The following TXNRD3 variants were observed in gnomAD, a reference collection of about 807,000 sequenced individuals.
TXNRD3 encodes TXNRD3 neighbor gene protein.
A neutral mutation model predicts 78.2 loss-of-function variants in TXNRD3; 68 were observed. The ratio of observed to expected loss-of-function variants is 0.87; its 90% CI spans 0.72 to 1.06. TXNRD3 has a LOEUF of 1.06. Ranked by LOEUF, TXNRD3 falls within the 50% of genes least tolerant of loss-of-function variation. The probability of loss-of-function intolerance (pLI) is 0.00; values close to 1 mark genes in which losing one functional copy is unlikely to be tolerated. For missense variants in TXNRD3, 751 were observed against 809.5 expected (o/e 0.93, Z 0.88); for synonymous variants, 296 against 300.1 (o/e 0.99, Z 0.14).
intron 1 of TXNRD3, 100 bp downstream of exon 1, chr3:126,654,648 G>C: frequency 1.4e-6 from 1 of 725,964 alleles, no homozygotes; most frequent in Non-Finnish European, 1.8e-6. Context: ...GCCGCAGCCC[G>C]GGACCCGCGG....
intron 6 of TXNRD3, among the ~76,000 whole-genome samples, chr3:126,635,050 C>T (rs1938822158): frequency 6.6e-6 from 1 of 152,154 alleles, no homozygotes; most frequent in African/African-American, 2.4e-5. Context: ...TTACCTCATC[C>T]TCCCACACCC....
In TXNRD3 at chr3:126,640,103, T is replaced by C. The variant is rs1337163857; in HGVS notation, c.712+1929A>G. On this transcript the variant is annotated intron_variant, in intron 6 of 15. Coordinates refer to ENST00000524230, the MANE Select transcript of TXNRD3 (RefSeq NM_052883.3). ...AAGCTGCTTGTGTTTTCTTTTTTTTTTTTTTTTTTTTTTTTTTTTGAGACG... is the reference window on the plus strand; with the variant it reads ...AAGCTGCTTGTGTTTTCTTTTTTTTCTTTTTTTTTTTTTTTTTTTGAGACG... Among the ~76,000 whole-genome samples the C allele has an allele frequency of 2.6e-3, 46 of 17,896 alleles. 20 individuals are homozygous for C. Among genetic ancestry groups the C allele is most frequent in the Admixed American group, 1.6e-3 (2 of 1,230 alleles). The allele number at this position is 17,896 out of a possible 152,430, so 11.7% of individuals were successfully genotyped here.
chr3:126,614,852 G>GA (rs763681893), intron 13 of TXNRD3, among the ~76,000 whole-genome samples: 2 of 152,020 alleles, frequency 1.3e-5, no homozygotes, highest in Non-Finnish European at 2.9e-5. Flanking sequence ...AGAGTAGGCA[G>GA]AAAAAAGCCA....
chr3:126,635,934 C>G (rs983501986), intron 6 of TXNRD3, among the ~76,000 whole-genome samples: 1 of 151,946 alleles, frequency 6.6e-6, no homozygotes, highest in Non-Finnish European at 1.5e-5. Context: ...CAAACACACA[C>G]ACAAACATAT....
intron 9 of TXNRD3, 91 bp downstream of exon 9, chr3:126,630,621 G>T: frequency 7.7e-7 from 1 of 1,301,184 alleles, no homozygotes; most frequent in African/African-American, 1.5e-5. Context: ...AACATTATTT[G>T]AATACAGACT....
chr3:126,617,460 C>T (rs2107611923), intron 12 of TXNRD3, among the ~76,000 whole-genome samples: 1 of 152,276 alleles, frequency 6.6e-6, no homozygotes, highest in East Asian at 1.9e-4. Flanking sequence ...CCAAATACAC[C>T]CACCCACAAG....
At chr3:126,633,177 T>C (rs1938764646) in intron 7 of TXNRD3, among the ~76,000 whole-genome samples, 2 of 152,188 alleles carry the variant, frequency 1.3e-5, no homozygotes, top group South Asian at 2.1e-4. Flanking sequence ...AATTGAATAT[T>C]TGGATATTTA....
In TXNRD3 at chr3:126,622,938, T is replaced by C. The variant is rs375057181; in HGVS notation, c.1291-398A>G. On this transcript the variant is annotated intron_variant, in intron 10 of 15. Coordinates refer to ENST00000524230, the MANE Select transcript of TXNRD3 (RefSeq NM_052883.3). ...GGCAACACAGACCAAAGGATGACCA[T>C]GTGAGGACACAAGGAGAAGACAGTC... 3.9e-5 allele frequency among the ~76,000 whole-genome samples: 6 copies of C among 152,122 alleles called. No individual in the cohort carries two copies. In the East Asian group the frequency reaches 5.8e-4, roughly 15 times the overall value.
chr3:126,644,274 G>A (rs866401005), intron 4 of TXNRD3, 23 bp downstream of exon 4: 7 of 1,518,262 alleles, frequency 4.6e-6, no homozygotes, highest in African/African-American at 1.4e-5. Context: ...AATTATCTAC[G>A]AGTTTCATTT....
chr3:126,627,010 C>T (rs1311212393), intron 10 of TXNRD3, among the ~76,000 whole-genome samples: 1 of 152,068 alleles, frequency 6.6e-6, no homozygotes, highest in Non-Finnish European at 1.5e-5. Flanking sequence ...ATCATTTGAG[C>T]CAAGGAGTTG....
chr3:126,653,670 C>T (rs1397113118), intron 1 of TXNRD3, among the ~76,000 whole-genome samples: 1 of 152,220 alleles, frequency 6.6e-6, no homozygotes, highest in Non-Finnish European at 1.5e-5. Flanking sequence ...ATCATGCATC[C>T]TTTATGACCC....
chr3:126,629,499 T>C (rs772454292), intron 9 of TXNRD3, 28 bp from the exon 10 acceptor site: 2 of 1,482,318 alleles, frequency 1.3e-6, no homozygotes, highest in African/African-American at 2.8e-5. Context: ...TGTAATGATG[T>C]TATCTAAATA....
Position 126,654,816 on chromosome 3 carries a change from G to A in TXNRD3, c.175C>T (p.Leu59Phe). ...CGGCTGCGCTCGATGAGGCCCACGAGGTGGCGGCGCAGCTCCTCGCGGGCC... is the reference window on the plus strand; with the variant it reads ...CGGCTGCGCTCGATGAGGCCCACGAAGTGGCGGCGCAGCTCCTCGCGGGCC... The change falls in exon 1 of 16, where the codon CTC (leucine) becomes TTC (phenylalanine). Residue 59 changes from leucine to phenylalanine, a missense_variant. Transcript: ENST00000524230. 2.1e-6 allele frequency: 3 copies of A among 1,421,746 alleles called. No individual in the cohort carries two copies. Among genetic ancestry groups the A allele is most frequent in the African/African-American group, 1.5e-5 (1 of 67,088 alleles). 88.1% of individuals were successfully genotyped at this position (1,421,746 alleles called of 1,614,324 possible). A position where few individuals can be genotyped will look rare whatever the true frequency, so the allele number is the denominator to read the frequency against.
chr3:126,629,672 T>C (rs763090486), intron 9 of TXNRD3, among the ~76,000 whole-genome samples: 4 of 152,150 alleles, frequency 2.6e-5, no homozygotes, highest in Non-Finnish European at 5.9e-5. Flanking sequence ...AGAAATGAAT[T>C]AATGAATTAG....
intron 12 of TXNRD3, among the ~76,000 whole-genome samples, chr3:126,619,739 G>A (rs926563691): frequency 6.6e-6 from 1 of 152,146 alleles, no homozygotes; most frequent in Admixed American, 6.5e-5. Flanking sequence ...ATAAATAAAT[G>A]ACAAACGTTT....
intron 6 of TXNRD3, among the ~76,000 whole-genome samples, chr3:126,638,743 A>G (rs1932982698): frequency 6.6e-6 from 1 of 152,230 alleles, no homozygotes. Context: ...GTCTCAAAAA[A>G]AAGAAAAAAG....
intron 8 of TXNRD3, 51 bp downstream of exon 8, chr3:126,631,713 A>G: frequency 3.5e-6 from 4 of 1,155,904 alleles, no homozygotes; most frequent in Non-Finnish European, 5.0e-6. Flanking sequence ...AAACATGTCA[A>G]TATAATTCAA....
chr3:126,643,692 T>G (rs573284792), intron 5 of TXNRD3, among the ~76,000 whole-genome samples: 1 of 152,238 alleles, frequency 6.6e-6, no homozygotes, highest in Non-Finnish European at 1.5e-5. Context: ...GTTAACTATA[T>G]CCTCACTAAG....
Position 126,607,921 on chromosome 3 carries a change from T to C in TXNRD3, c.1916A>G (p.Lys639Arg). The change falls in exon 16 of 16, where the codon AAA becomes AGA. Residue 639 changes from lysine (K) to arginine (R), a missense_variant. Lys to Arg is a conservative substitution (Grantham distance 26, BLOSUM62 2). Transcript: ENST00000524230. ...GCAGCAGGCCTAGCCTCAGCAGCCT[T>C]TCTGAGTGATGTCTAGTCCTGACGA... 6.6e-7 allele frequency: 1 copy of C among 1,516,616 alleles called. No homozygotes were observed. Among genetic ancestry groups the C allele is most frequent in the Non-Finnish European group, 8.8e-7 (1 of 1,131,696 alleles). 93.9% of individuals were successfully genotyped at this position (1,516,616 alleles called of 1,614,324 possible).
Sources: gnomAD v4.1 joint callset for allele counts (sites outside exome capture counted in the v4.1 genomes callset) on GRCh38, gnomAD v4.1.1 for gene constraint, MANE v1.5 for transcripts, NCBI Gene and HGNC (gene_info 2026-07-23, HGNC 2026-07-21) for gene names.